The following EMP1 variants were observed in gnomAD, a reference collection of about 807,000 sequenced individuals.
The protein encoded by EMP1 is tumor-associated membrane protein.
In EMP1, 5 loss-of-function variants were observed where a neutral mutation model predicts 15.7. That is an observed-to-expected ratio of 0.32 (90% CI 0.17 to 0.67). The LOEUF (loss-of-function observed/expected upper bound fraction) is 0.67. EMP1 is among the 30% of genes least tolerant of loss of function. The pLI is 0.74. For synonymous variants in EMP1, 78 were observed against 76.7 expected, an observed-to-expected ratio of 1.02 and a Z score of -0.09; for missense variants, 166 against 194.2, an observed-to-expected ratio of 0.85 and a Z score of 0.86.
intron 4 of EMP1, chr12:13,214,054 A>G (rs1864191595): frequency 1.4e-6 from 1 of 698,584 alleles, no homozygotes; most frequent in Non-Finnish European, 2.6e-6. Flanking sequence ...GTGGCAGTGC[A>G]TATCTGTTAG....
At chr12:13,212,628 G>T (rs115592048) in intron 2 of EMP1, among the ~76,000 whole-genome samples, 2 of 152,210 alleles carry the variant, frequency 1.3e-5, no homozygotes, top group Non-Finnish European at 2.9e-5. Context: ...GCGCCAAAGC[G>T]CTGCGTATCT....
intron 2 of EMP1, among the ~76,000 whole-genome samples, chr12:13,212,867 A>T (rs758914227): frequency 4.6e-5 from 7 of 152,252 alleles, no homozygotes; most frequent in Admixed American, 3.9e-4. Context: ...GAATCCATTC[A>T]GGTCACCCTT....
rs181861400 is a variant in EMP1 at position 13,214,578 on chromosome 12, G to A, written c.361G>A (p.Ala121Thr). The A allele has an allele frequency of 1.7e-5, 28 of 1,614,026 alleles. No individual in the cohort carries two copies. The highest frequency in any genetic ancestry group is 2.4e-5 in the Non-Finnish European group (28 of 1,179,990). Residue 121 changes from alanine (A) to threonine (T), a missense_variant, in exon 5 of 5, where the codon GCG (alanine) becomes ACG (threonine). Ala to Thr is a moderately conservative substitution (Grantham distance 58, BLOSUM62 0). Transcript: ENST00000256951. ...GGTGTCCATCTACACTAGTCATTATGCGAATCGTGATGGAACGCAGTATCA... is the reference window on the plus strand; with the variant it reads ...GGTGTCCATCTACACTAGTCATTATACGAATCGTGATGGAACGCAGTATCA... The part of the protein sequence containing the change: ...VGVSIYTSHY[A>T]NRDGTQYHHG...
intron 1 of EMP1, among the ~76,000 whole-genome samples, chr12:13,203,396 C>T (rs1229091316): frequency 6.6e-6 from 1 of 152,218 alleles, no homozygotes; most frequent in Non-Finnish European, 1.5e-5. Flanking sequence ...CTTCACAGCC[C>T]AGGTCTGGCC....
intron 1 of EMP1, among the ~76,000 whole-genome samples, chr12:13,202,714 G>T (rs567426161): frequency 1.2e-4 from 18 of 152,304 alleles, no homozygotes; most frequent in African/African-American, 3.4e-4. Flanking sequence ...TCAGCAAAAC[G>T]ACAGGGAGAA....
At chr12:13,200,985 C>T (rs28600283) in intron 1 of EMP1, among the ~76,000 whole-genome samples, 34,322 of 152,104 alleles carry the variant, frequency 0.23, 4,110 homozygotes, top group Middle Eastern at 0.35. Flanking sequence ...AATCCTGGAG[C>T]AGATGTAAGA....
rs1307804395 is a variant in EMP1 at position 13,218,703 on chromosome 12, AG to A, written c.*4014del. 6.6e-6 allele frequency: 1 copy of A among 152,250 alleles called. No homozygotes were observed. Among genetic ancestry groups the A allele is most frequent in the African/African-American group, 2.4e-5 (1 of 41,434 alleles). 9.4% of individuals were successfully genotyped at this position (152,250 alleles called of 1,614,324 possible). A position where few individuals can be genotyped will look rare whatever the true frequency, so the allele number is the denominator to read the frequency against. ...GGGAGACATGTGAAGCCTACTCCTGAGGCGGGAGGCTGGGGACATGACCATC... is the reference window on the plus strand; with the variant it reads ...GGGAGACATGTGAAGCCTACTCCTGAGCGGGAGGCTGGGGACATGACCATC... On this transcript the variant is annotated 3_prime_UTR_variant, in exon 5 of 5. Coordinates refer to ENST00000256951, the MANE Select transcript of EMP1 (RefSeq NM_001423.3).
rs1250336595 is a variant in EMP1, at chr12:13,219,298, A to G, written c.*4607A>G. 1 of 152,226 alleles carries G rather than the reference A, an allele frequency of 6.6e-6. No homozygotes were observed. Among genetic ancestry groups the G allele is most frequent in the Admixed American group, 6.5e-5 (1 of 15,280 alleles). The allele number at this position is 152,226 out of a possible 1,614,324, so 9.4% of individuals were successfully genotyped here. On this transcript the variant is annotated 3_prime_UTR_variant, in exon 5 of 5. Coordinates refer to ENST00000256951, the MANE Select transcript of EMP1 (RefSeq NM_001423.3). ...AACTCAAGCTTCTGGTTAACTGCTG[A>G]TCTATTGGCAACTCCAGTTCCCAAT... is the stretch of plus-strand genomic sequence containing the variant.
rs2121169919 is a variant in EMP1 at position 13,218,874 on chromosome 12, A to C, written c.*4183A>C. 1 of 152,280 alleles carries C rather than the reference A, an allele frequency of 6.6e-6. No homozygotes were observed. Among genetic ancestry groups the C allele is most frequent in the East Asian group, 1.9e-4 (1 of 5,178 alleles). The allele number at this position is 152,280 out of a possible 1,614,324, so 9.4% of individuals were successfully genotyped here. A position where few individuals can be genotyped will look rare whatever the true frequency, so the allele number is the denominator to read the frequency against. ...ATCTCATACCTAGAGAAAATGGAGG[A>C]TCTGTGGGATGTAGATGAGGTGGGA... On this transcript the variant is annotated 3_prime_UTR_variant, in exon 5 of 5. Coordinates refer to ENST00000256951, the MANE Select transcript of EMP1 (RefSeq NM_001423.3).
At chr12:13,206,879 A>C (rs1299735091) in intron 1 of EMP1, among the ~76,000 whole-genome samples, 4 of 152,112 alleles carry the variant, frequency 2.6e-5, no homozygotes, top group Non-Finnish European at 5.9e-5. Context: ...CAAAGGCAAC[A>C]AGGCAATGCA....
chr12:13,203,042 T>C lies in EMP1; in HGVS notation c.-43+6170T>C, dbSNP rs1012082651. Among the ~76,000 whole-genome samples the C allele has an allele frequency of 2.0e-5, 3 of 152,154 alleles. No individual in the cohort carries two copies. In the South Asian group the frequency reaches 6.2e-4, roughly 32 times the overall value. On this transcript the variant is annotated intron_variant, in intron 1 of 4. Coordinates refer to ENST00000256951, the MANE Select transcript of EMP1 (RefSeq NM_001423.3). ...TGCCTCTCAACCTCTAAAGAACGAA[T>C]TGAAATGAAGCCCTGAGCCCACCTG...
chr12:13,211,323 G>T lies in EMP1; in HGVS notation c.-42-146G>T. ...GGCAAATCAGAACTAGGTTACAGGG[G>T]TGTTTTCAGGAATTTATGATTAGAT... On this transcript the variant is annotated intron_variant, in intron 1 of 4. Transcript: ENST00000256951. The surrounding 1 kb of genome is among the most constrained non-coding windows in gnomAD (Gnocchi z 4.7). 1.6e-6 allele frequency: 1 copy of T among 643,888 alleles called. No individual in the cohort carries two copies. The highest frequency in any genetic ancestry group is 2.7e-5 in the East Asian group (1 of 36,714). 39.9% of individuals were successfully genotyped at this position (643,888 alleles called of 1,614,324 possible).
Position 13,216,464 on chromosome 12 carries a change from T to C in EMP1, c.*1773T>C. The C allele has an allele frequency of 1.4e-6, 1 of 702,592 alleles. No individual in the cohort carries two copies. The highest frequency in any genetic ancestry group is 2.6e-6 in the Non-Finnish European group (1 of 384,774). 43.5% of individuals were successfully genotyped at this position (702,592 alleles called of 1,614,324 possible). A position where few individuals can be genotyped will look rare whatever the true frequency, so the allele number is the denominator to read the frequency against. On this transcript the variant is annotated 3_prime_UTR_variant, in exon 5 of 5. Transcript: ENST00000256951. Reference sequence around the variant, plus strand: ...GGAAGATGAACTTTGTCATTATGATTTCATTATCACATGATTATAGAAGGC... The same window carrying C: ...GGAAGATGAACTTTGTCATTATGATCTCATTATCACATGATTATAGAAGGC...
At chr12:13,213,962 T>G in intron 4 of EMP1, 141 bp downstream of exon 4, 1 of 1,220,938 alleles carries the variant, frequency 8.2e-7, no homozygotes, top group East Asian at 2.4e-5. Context: ...TGTTCTCTTG[T>G]GGAGAACCTT....
At chr12:13,202,819 A>C (rs185627460) in intron 1 of EMP1, among the ~76,000 whole-genome samples, 2 of 152,212 alleles carry the variant, frequency 1.3e-5, no homozygotes, top group Admixed American at 1.3e-4. Context: ...GTAGGAGGAA[A>C]AGAGAGAACA....
At chr12:13,203,077 G>C (rs1864080294) in intron 1 of EMP1, among the ~76,000 whole-genome samples, 1 of 152,170 alleles carries the variant, frequency 6.6e-6, no homozygotes, top group South Asian at 2.1e-4. Context: ...GATGGGTCTG[G>C]GGTGTCTCTA....
intron 1 of EMP1, among the ~76,000 whole-genome samples, chr12:13,197,243 G>C (rs1285205790): frequency 1.3e-5 from 2 of 152,134 alleles, no homozygotes; most frequent in African/African-American, 4.8e-5. Flanking sequence ...ATGACATCGG[G>C]AACTGGCCAG....
chr12:13,214,945 A>G lies in EMP1; in HGVS notation c.*254A>G. The G allele has an allele frequency of 4.7e-6, 2 of 421,216 alleles. No individual in the cohort carries two copies. The highest frequency in any genetic ancestry group is 2.3e-5 in the South Asian group (1 of 43,004). The allele number at this position is 421,216 out of a possible 1,614,324, so 26.1% of individuals were successfully genotyped here. A position where few individuals can be genotyped will look rare whatever the true frequency, so the allele number is the denominator to read the frequency against. On this transcript the variant is annotated 3_prime_UTR_variant, in exon 5 of 5. Coordinates refer to ENST00000256951, the MANE Select transcript of EMP1 (RefSeq NM_001423.3). The stretch of plus-strand genomic sequence containing the variant: ...CAGAGAGCCTCCCTGCAGCCACCAG[A>G]CTTGGCCTCCAGCTGTTCTTAGTGA...
Position 13,214,528 on chromosome 12 carries a change from C to A in EMP1, c.317-6C>A, listed in dbSNP as rs368405375. 1 of 1,613,776 alleles carries A rather than the reference C, an allele frequency of 6.2e-7. No individual in the cohort carries two copies. On this transcript the variant is annotated splice_region_variant and splice_polypyrimidine_tract_variant and intron_variant, in intron 4 of 4. Coordinates refer to ENST00000256951, the MANE Select transcript of EMP1 (RefSeq NM_001423.3). ...ACACACCGACAAATCTCCTTTTCCC[C>A]TGCAGGGCTGTGCATTCTTGTGGGG...
Sources: gnomAD v4.1 joint callset for allele counts (sites outside exome capture counted in the v4.1 genomes callset) on GRCh38, gnomAD v4.1.1 for gene constraint, Gnocchi (gnomAD v3.1) non-coding constraint, MANE v1.5 for transcripts, NCBI Gene and HGNC (gene_info 2026-07-23, HGNC 2026-07-21) for gene names.